Variants in SCAPER observed in about 807,000 individuals in gnomAD.
SCAPER encodes S-phase cyclin A associated protein in the ER.
SCAPER carries 98 observed loss-of-function variants against 182.2 expected under a neutral mutation model. That is an observed-to-expected ratio of 0.54 (90% CI 0.46 to 0.64). The LOEUF is 0.64. Ranked by LOEUF, SCAPER falls within the 30% of genes least tolerant of loss-of-function variation. The pLI is 0.00. For synonymous variants in SCAPER, 605 were observed against 564.6 expected (o/e 1.07, Z -1.01); for missense variants, 1,432 against 1,690.0 (o/e 0.85, Z 2.68).
intron 26 of SCAPER, among the ~76,000 whole-genome samples, chr15:76,425,893 G>C (rs576533536): frequency 1.1e-4 from 17 of 152,320 alleles, no homozygotes; most frequent in Non-Finnish European, 2.2e-4. Context: ...GACCCTGTTT[G>C]CCTGGGTATC....
intron 5 of SCAPER, among the ~76,000 whole-genome samples, chr15:76,818,084 C>T (rs2067232308): frequency 6.6e-6 from 1 of 152,218 alleles, no homozygotes; most frequent in Middle Eastern, 3.4e-3. Flanking sequence ...CAGGGTGGTA[C>T]TAGGATAAAA....
At chr15:76,615,488 C>CAG (rs748347333) in intron 22 of SCAPER, among the ~76,000 whole-genome samples, 8 of 91,382 alleles carry the variant, frequency 8.8e-5, no homozygotes, top group East Asian at 3.8e-4. Context: ...TACACACACA[C>CAG]ACAGACACAC....
chr15:76,781,619 G>C (rs188525226), intron 8 of SCAPER, among the ~76,000 whole-genome samples: 1 of 152,142 alleles, frequency 6.6e-6, no homozygotes, highest in Admixed American at 6.5e-5. Context: ...GAAGGAAAAA[G>C]TGTTAAGGGC....
chr15:76,828,556 TAGTAAATGTTACATATAC>T (rs1169942452), intron 5 of SCAPER, among the ~76,000 whole-genome samples: 97 of 152,146 alleles, frequency 6.4e-4, no homozygotes, highest in African/African-American at 2.2e-3. Context: ...AACAATGCTT[TAGTAAATGTTACATATAC>T]AGGAGAAATT....
chr15:76,503,836 T>C (rs1476655764), intron 24 of SCAPER, among the ~76,000 whole-genome samples: 2 of 152,136 alleles, frequency 1.3e-5, no homozygotes, highest in Non-Finnish European at 2.9e-5. Context: ...GATAACATAC[T>C]CTTGGAATTT....
At chr15:76,367,807 C>G (rs923716355) in intron 29 of SCAPER, among the ~76,000 whole-genome samples, 1 of 152,166 alleles carries the variant, frequency 6.6e-6, no homozygotes, top group African/African-American at 2.4e-5. Context: ...AAATTGCTAA[C>G]TGGCAAATTT....
intron 23 of SCAPER, among the ~76,000 whole-genome samples, chr15:76,564,971 A>C (rs779674125): frequency 3.3e-5 from 5 of 152,224 alleles, no homozygotes; most frequent in Non-Finnish European, 7.3e-5. Context: ...AGCCATATAC[A>C]GAAGATTTAA....
chr15:76,772,515 A>T (rs948528702), intron 9 of SCAPER, among the ~76,000 whole-genome samples: 1 of 152,026 alleles, frequency 6.6e-6, no homozygotes, highest in Non-Finnish European at 1.5e-5. Context: ...TTCATATGGT[A>T]CATGAACCCA....
chr15:76,682,411 G>A (rs1475541047), intron 20 of SCAPER, among the ~76,000 whole-genome samples: 2 of 151,964 alleles, frequency 1.3e-5, no homozygotes, highest in African/African-American at 4.8e-5. Flanking sequence ...CACAGACATT[G>A]GCGGCCCCAT....
At position 76,796,492 on chromosome 15, in the gene SCAPER, T is replaced by C. The variant is rs189692816; in HGVS notation, c.612-1052A>G. On this transcript the variant is annotated intron_variant, in intron 7 of 31. Coordinates refer to ENST00000563290, the MANE Select transcript of SCAPER (RefSeq NM_020843.4). ...GCCAAGTTTGGTAACTAACAACACA[T>C]TTGAAGTAAATATATAACTCAACCA... Among the ~76,000 whole-genome samples the C allele has an allele frequency of 2.8e-3, 430 of 152,312 alleles. 1 individual carries two copies. Among genetic ancestry groups the C allele is most frequent in the Middle Eastern group, 6.8e-3 (2 of 294 alleles).
intron 21 of SCAPER, among the ~76,000 whole-genome samples, chr15:76,655,411 G>A (rs1057127897): frequency 2.6e-5 from 4 of 152,148 alleles, no homozygotes; most frequent in Non-Finnish European, 5.9e-5. Flanking sequence ...CCAAATCTAT[G>A]ACTCATTGAT....
chr15:76,529,766 TGAG>T (rs1348706656), intron 23 of SCAPER, among the ~76,000 whole-genome samples: 3 of 152,200 alleles, frequency 2.0e-5, no homozygotes, highest in South Asian at 4.1e-4. Context: ...GCAGAGTTAA[TGAG>T]GAGAGAAAGT....
At chr15:76,451,478 T>C (rs752554275) in intron 25 of SCAPER, among the ~76,000 whole-genome samples, 7 of 152,228 alleles carry the variant, frequency 4.6e-5, no homozygotes, top group Non-Finnish European at 7.3e-5. Context: ...TAAACTATAT[T>C]GTCAAGGCTT....
chr15:76,788,025 A>C (rs919596575), intron 8 of SCAPER, among the ~76,000 whole-genome samples: 2 of 152,228 alleles, frequency 1.3e-5, no homozygotes, highest in Non-Finnish European at 2.9e-5. Flanking sequence ...ATAGGCAAAG[A>C]CATGAGCAAA....
At chr15:76,803,768 AG>A (rs1213242701) in intron 6 of SCAPER, among the ~76,000 whole-genome samples, 1 of 152,126 alleles carries the variant, frequency 6.6e-6, no homozygotes, top group Non-Finnish European at 1.5e-5. Flanking sequence ...TACCTCCTAA[AG>A]CCCCCACCTC....
intron 5 of SCAPER, among the ~76,000 whole-genome samples, chr15:76,825,801 G>A (rs2067961696): frequency 6.6e-6 from 1 of 152,188 alleles, no homozygotes; most frequent in African/African-American, 2.4e-5. Context: ...CTGGAGTACA[G>A]TGAGGTGACC....
chr15:76,741,644 A>C (rs1026126045), intron 15 of SCAPER, among the ~76,000 whole-genome samples: 1 of 151,920 alleles, frequency 6.6e-6, no homozygotes, highest in African/African-American at 2.4e-5. Flanking sequence ...AAGATGTCAG[A>C]AAAAATCAGC....
At chr15:76,678,975 T>G (rs1198147646) in intron 20 of SCAPER, among the ~76,000 whole-genome samples, 2 of 152,184 alleles carry the variant, frequency 1.3e-5, no homozygotes, top group African/African-American at 4.8e-5. Flanking sequence ...TAGTAAACTG[T>G]TCTTTTCATA....
chr15:76,548,198 C>G (rs2074376603), intron 23 of SCAPER, among the ~76,000 whole-genome samples: 1 of 151,802 alleles, frequency 6.6e-6, no homozygotes, highest in African/African-American at 2.4e-5. Context: ...AGCAAATTAA[C>G]CTGATTTTCA....
Sources: allele counts gnomAD v4.1 joint callset (sites outside exome capture counted in the v4.1 genomes callset), GRCh38; gene constraint gnomAD v4.1.1; transcripts MANE v1.5; gene names NCBI Gene and HGNC (gene_info 2026-07-23, HGNC 2026-07-21).